The following TP63 variants were observed in gnomAD, a reference collection of about 807,000 sequenced individuals.
The protein encoded by TP63 is tumor protein p63.
A neutral mutation model predicts 82.8 loss-of-function variants in TP63; 17 were observed. That is an observed-to-expected ratio of 0.21 (90% confidence interval 0.14 to 0.31). The LOEUF is 0.31. Ranked by LOEUF, TP63 falls within the 10% of genes least tolerant of loss-of-function variation. The probability of loss-of-function intolerance (pLI) is 1.00; values close to 1 mark genes in which losing one functional copy is unlikely to be tolerated. For missense variants in TP63, 648 were observed against 895.3 expected, an observed-to-expected ratio of 0.72 and a Z score of 3.52; for synonymous variants, 330 against 321.7, an observed-to-expected ratio of 1.03 and a Z score of -0.28.
At chr3:189,638,950 A>G (rs1426719846) in intron 1 of TP63, among the ~76,000 whole-genome samples, 1 of 152,174 alleles carries the variant, frequency 6.6e-6, no homozygotes, top group Non-Finnish European at 1.5e-5. Context: ...AAAGGTAACT[A>G]GAGATAATGA....
chr3:189,886,390 C>T lies in TP63; in HGVS notation c.1350-4C>T. ...CACCATTATTTCCATGTTTGTCTTC[C>T]TAGGACCTCAATACAGTCTCCATCT... On this transcript the variant is annotated splice_region_variant and splice_polypyrimidine_tract_variant and intron_variant, in intron 10 of 13. Transcript: ENST00000264731. The T allele has an allele frequency of 6.2e-7, 1 of 1,613,876 alleles. No homozygotes were observed. Among genetic ancestry groups the T allele is most frequent in the Non-Finnish European group, 8.5e-7 (1 of 1,179,926 alleles).
Position 189,886,498 on chromosome 3 carries a change from A to G in TP63, c.1454A>G (p.Gln485Arg). 6.2e-7 allele frequency: 1 copy of G among 1,614,108 alleles called. No homozygotes were observed. The highest frequency in any genetic ancestry group is 8.5e-7 in the Non-Finnish European group (1 of 1,180,004). The change falls in exon 11 of 14, where the codon CAG (glutamine) becomes CGG (arginine). Residue 485 changes from glutamine (Q) to arginine (R), a missense_variant. By Grantham distance (43) the Gln-to-Arg change is conservative. Around this residue, in one of 5 missense-constraint regions of TP63, gnomAD observed 342 missense variants for 425.7 expected, o/e 0.80. Transcript: ENST00000264731. ...LPSVSQLINP[Q>R]QRNALTPTTI... ...TCTGTGAGCCAGCTTATCAACCCTC[A>G]GCAGCGCAACGCCCTCACTCCTACA...
chr3:189,776,009 A>T (rs957662289), intron 3 of TP63, among the ~76,000 whole-genome samples: 9 of 152,164 alleles, frequency 5.9e-5, no homozygotes, highest in Non-Finnish European at 1.0e-4. Context: ...AATAGTTGCA[A>T]ATTTGGGAGG....
chr3:189,819,366 C>T (rs1164457191), intron 4 of TP63, among the ~76,000 whole-genome samples: 6 of 151,790 alleles, frequency 4.0e-5, no homozygotes, highest in Admixed American at 6.6e-5. Flanking sequence ...CATATGTATA[C>T]GTGTGCCATG....
intron 1 of TP63, among the ~76,000 whole-genome samples, chr3:189,668,533 G>A (rs1180693869): frequency 2.0e-5 from 3 of 152,038 alleles, no homozygotes; most frequent in African/African-American, 7.2e-5. Context: ...ATGACTGAAG[G>A]TAGAAAAAGA....
chr3:189,672,674 AAGGAAGGAAGG>A (rs1715018181), intron 1 of TP63, among the ~76,000 whole-genome samples: 4 of 70,362 alleles, frequency 5.7e-5, no homozygotes, highest in Non-Finnish European at 1.5e-4. Context: ...AGAAGGAAGG[AAGGAAGGAAGG>A]AAGGAAGGAA....
At chr3:189,769,110 A>G (rs1286826264) in intron 3 of TP63, among the ~76,000 whole-genome samples, 1 of 152,174 alleles carries the variant, frequency 6.6e-6, no homozygotes. Context: ...AAAACAAACC[A>G]TGTATATAAA....
At chr3:189,674,075 C>T (rs1444218149) in intron 1 of TP63, among the ~76,000 whole-genome samples, 2 of 152,046 alleles carry the variant, frequency 1.3e-5, no homozygotes, top group Non-Finnish European at 2.9e-5. Context: ...GAAATCCAGG[C>T]TTATTTAGCC....
chr3:189,618,098 G>T, the TP63 span, among the ~76,000 whole-genome samples: 1 of 152,292 alleles, frequency 6.6e-6, no homozygotes, highest in Middle Eastern at 3.4e-3. Context: ...AGAATTTCAA[G>T]ATGGTAACAG....
At position 189,886,547 on chromosome 3, in the gene TP63, C is replaced by T. The variant is rs776402108; in HGVS notation, c.1503C>T (p.Ala501=). 6.2e-7 allele frequency: 1 copy of T among 1,613,980 alleles called. No homozygotes were observed. Among genetic ancestry groups the T allele is most frequent in the Non-Finnish European group, 8.5e-7 (1 of 1,179,970 alleles). The part of the protein sequence containing the change: ...TPTTIPDGMG[A]NIPMMGTHMP... ...CAACCATTCCTGATGGCATGGGAGC[C>T]AACAGTAAGAGCATCTCCTTTTAGC... The change falls in exon 11 of 14, where the codon GCC becomes GCT. Residue 501 remains alanine (A), a synonymous_variant. Coordinates refer to ENST00000264731, the MANE Select transcript of TP63 (RefSeq NM_003722.5).
At position 189,894,638 on chromosome 3, in the gene TP63, A is replaced by G; in HGVS notation, c.*136A>G. Reference sequence around the variant, plus strand: ...ATTTCTTAGGGGAAGGAGAAGTAAGAGGCTACCTCTTACCTAACATCTGAC... The same window carrying G: ...ATTTCTTAGGGGAAGGAGAAGTAAGGGGCTACCTCTTACCTAACATCTGAC... On this transcript the variant is annotated 3_prime_UTR_variant, in exon 14 of 14. Transcript: ENST00000264731. 9.3e-7 allele frequency: 1 copy of G among 1,072,550 alleles called. No homozygotes were observed. Among genetic ancestry groups the G allele is most frequent in the South Asian group, 1.5e-5 (1 of 68,926 alleles). The allele number at this position is 1,072,550 out of a possible 1,614,324, so 66.4% of individuals were successfully genotyped here.
At chr3:189,669,174 G>A (rs766903160) in intron 1 of TP63, among the ~76,000 whole-genome samples, 1 of 152,028 alleles carries the variant, frequency 6.6e-6, no homozygotes, top group Non-Finnish European at 1.5e-5. Flanking sequence ...TGTGGTGGCA[G>A]TTAGGTCAGT....
chr3:189,717,825 T>G (rs1267101730), intron 1 of TP63, among the ~76,000 whole-genome samples: 1 of 152,192 alleles, frequency 6.6e-6, no homozygotes, highest in African/African-American at 2.4e-5. Flanking sequence ...AAGTCAGTCT[T>G]TACCCTGAGC....
At chr3:189,802,462 G>C (rs367847216) in intron 3 of TP63, among the ~76,000 whole-genome samples, 1 of 152,130 alleles carries the variant, frequency 6.6e-6, no homozygotes, top group East Asian at 1.9e-4. Context: ...TTGTTTTAAC[G>C]TAGCTTCACA....
In TP63 at chr3:189,896,834, A is replaced by G. The variant is rs1381811500; in HGVS notation, c.*2332A>G. The G allele has an allele frequency of 4.7e-6, 1 of 212,662 alleles. No individual in the cohort carries two copies. The highest frequency in any genetic ancestry group is 7.1e-5 in the East Asian group (1 of 14,060). The allele number at this position is 212,662 out of a possible 1,614,324, so 13.2% of individuals were successfully genotyped here. Reference sequence around the variant, plus strand: ...CAGGGTAAGGGGTAAAAGGATAGTAAGCATAGAAACCACTAGAAAGTGGGC... The same window carrying G: ...CAGGGTAAGGGGTAAAAGGATAGTAGGCATAGAAACCACTAGAAAGTGGGC... On this transcript the variant is annotated 3_prime_UTR_variant, in exon 14 of 14. Coordinates refer to ENST00000264731, the MANE Select transcript of TP63 (RefSeq NM_003722.5).
chr3:189,775,354 G>A (rs966314339), intron 3 of TP63, among the ~76,000 whole-genome samples: 14 of 151,924 alleles, frequency 9.2e-5, no homozygotes, highest in Non-Finnish European at 1.6e-4. Context: ...TCTGCCTCAA[G>A]TCAGTCTTAT....
chr3:189,861,562 G>A (rs563504312), intron 4 of TP63, among the ~76,000 whole-genome samples: 56 of 152,232 alleles, frequency 3.7e-4, no homozygotes, highest in Non-Finnish European at 6.5e-4. Flanking sequence ...TGGTGTAATC[G>A]TCCAGGCTGT....
rs998150174 is a variant in TP63 at position 189,634,155 on chromosome 3, G to A, written c.62+2578G>A. On this transcript the variant is annotated intron_variant, in intron 1 of 13. Coordinates refer to ENST00000264731, the MANE Select transcript of TP63 (RefSeq NM_003722.5). Reference sequence around the variant, plus strand: ...TAAGCAGACAACCGTTGTAGTTCTCGGTTTACAAAAAGCTATTTTAAGAAA... The same window carrying A: ...TAAGCAGACAACCGTTGTAGTTCTCAGTTTACAAAAAGCTATTTTAAGAAA... Among the ~76,000 whole-genome samples the A allele has an allele frequency of 3.3e-5, 5 of 151,744 alleles. No individual in the cohort carries two copies. In the South Asian group the frequency reaches 6.2e-4, roughly 19 times the overall value.
upstream of TP63, among the ~76,000 whole-genome samples, chr3:189,629,719 C>T (rs534823763): frequency 1.1e-3 from 166 of 152,258 alleles, 6 homozygotes; most frequent in South Asian, 0.034. Context: ...AGGTGCCTCA[C>T]GGGCACATTA....
Sources: gnomAD v4.1 joint callset for allele counts (sites outside exome capture counted in the v4.1 genomes callset) on GRCh38, gnomAD v4.1.1 for gene constraint, gnomAD v4.1.1 regional missense constraint, MANE v1.5 for transcripts, NCBI Gene and HGNC (gene_info 2026-07-23, HGNC 2026-07-21) for gene names.